SRGAP3: variants seen among roughly 807,000 people sequenced by gnomAD.
The protein encoded by SRGAP3 is SLIT-ROBO Rho GTPase-activating protein 3.
Under a neutral mutation model 121.1 loss-of-function variants are expected in SRGAP3, and 39 were observed. The ratio of observed to expected loss-of-function variants is 0.32; its 90% confidence interval spans 0.25 to 0.42. The LOEUF (loss-of-function observed/expected upper bound fraction) is 0.42. Among genes scored for constraint, SRGAP3 ranks in the 10% least tolerant of loss-of-function variants. The probability of loss-of-function intolerance (pLI) is 1.00; values close to 1 mark genes in which losing one functional copy is unlikely to be tolerated. For synonymous variants in SRGAP3, 601 were observed against 570.0 expected, an observed-to-expected ratio of 1.05 and a Z score of -0.77; for missense variants, 1,213 against 1,470.6, an observed-to-expected ratio of 0.82 and a Z score of 2.86.
intron 10 of SRGAP3, among the ~76,000 whole-genome samples, chr3:9,042,381 C>T (rs1161593687): frequency 4.6e-5 from 7 of 151,536 alleles, no homozygotes; most frequent in Admixed American, 4.6e-4. Flanking sequence ...TCTGGAATCC[C>T]ACCTAGCACT....
chr3:9,159,619 C>G (rs974781685), intron 1 of SRGAP3, among the ~76,000 whole-genome samples: 5 of 151,554 alleles, frequency 3.3e-5, no homozygotes, highest in African/African-American at 1.2e-4. Context: ...ACACAGTTTA[C>G]CCATATAACA....
intron 1 of SRGAP3, among the ~76,000 whole-genome samples, chr3:9,179,052 C>T (rs1466755442): frequency 6.6e-6 from 1 of 152,154 alleles, no homozygotes; most frequent in Non-Finnish European, 1.5e-5. Flanking sequence ...CCGATCCTGC[C>T]CATCGAACAA....
chr3:9,008,489 T>C (rs1173706472), intron 18 of SRGAP3: 1 of 149,216 alleles, frequency 6.7e-6, no homozygotes, highest in Non-Finnish European at 1.5e-5. Flanking sequence ...GATAAAGAGA[T>C]GGACAGAAGG....
At chr3:9,026,329 T>A (rs542571431) in intron 13 of SRGAP3, among the ~76,000 whole-genome samples, 1 of 152,240 alleles carries the variant, frequency 6.6e-6, no homozygotes, top group South Asian at 2.1e-4. Flanking sequence ...CCTTGCCCTT[T>A]TCATTGGAAG....
chr3:9,268,572 C>T (rs143010940), intron 3 of SRGAP3, among the ~76,000 whole-genome samples: 76 of 152,208 alleles, frequency 5.0e-4, no homozygotes, highest in Non-Finnish European at 8.4e-4. Flanking sequence ...TCATATGAGA[C>T]CTCAGCACCA....
intron 4 of SRGAP3, among the ~76,000 whole-genome samples, chr3:9,072,808 A>G (rs756826792): frequency 1.4e-4 from 22 of 152,238 alleles, no homozygotes; most frequent in Non-Finnish European, 2.8e-4. Flanking sequence ...GGACACTAGT[A>G]ACACAGCAAC....
At chr3:9,136,336 G>C (rs1227990172) in intron 1 of SRGAP3, among the ~76,000 whole-genome samples, 1 of 151,724 alleles carries the variant, frequency 6.6e-6, no homozygotes, top group Non-Finnish European at 1.5e-5. Flanking sequence ...GCTGGAGGCA[G>C]CAGATGCCGG....
intron 3 of SRGAP3, among the ~76,000 whole-genome samples, chr3:9,267,502 T>A (rs1463936971): frequency 6.6e-6 from 1 of 152,102 alleles, no homozygotes; most frequent in Non-Finnish European, 1.5e-5. Flanking sequence ...GTGGGTGCAG[T>A]TGAGGCTGTT....
intron 3 of SRGAP3, among the ~76,000 whole-genome samples, chr3:9,301,423 G>A (rs1322925280): frequency 2.0e-5 from 3 of 152,222 alleles, no homozygotes; most frequent in Non-Finnish European, 4.4e-5. Flanking sequence ...AAGGCTCCAT[G>A]GCTAACTTAG....
At chr3:9,078,877 A>C (rs1345887451) in intron 4 of SRGAP3, among the ~76,000 whole-genome samples, 3 of 152,192 alleles carry the variant, frequency 2.0e-5, no homozygotes, top group Non-Finnish European at 4.4e-5. Context: ...TTTATCTAAG[A>C]ACTCTCAGCC....
chr3:9,311,670 A>T (rs563768796), intron 3 of SRGAP3, among the ~76,000 whole-genome samples: 1 of 152,300 alleles, frequency 6.6e-6, no homozygotes, highest in African/African-American at 2.4e-5. Flanking sequence ...CAACTATTCA[A>T]ATATGTAAAA....
rs1427777974 is a variant in SRGAP3, at chr3:9,240,667, C to T, written c.67+8218G>A. ...CATGGAGAGACAGTCTAAAAGTAAT[C>T]TGAAAGCCACAGCCCCTCTCCAATC... On this transcript the variant is annotated intron_variant, in intron 1 of 21. Transcript: ENST00000383836. Among the ~76,000 whole-genome samples, 3 of 152,308 alleles carry T rather than the reference C, an allele frequency of 2.0e-5. No homozygotes were observed. The East Asian group carries it at 5.8e-4, about 29-fold the overall frequency.
At chr3:9,294,264 G>C (rs6786812) in intron 3 of SRGAP3, among the ~76,000 whole-genome samples, 54,994 of 151,986 alleles carry the variant, frequency 0.36, 11,914 homozygotes, top group Non-Finnish European at 0.48. Flanking sequence ...TAGCAAACTA[G>C]TGCAGAAACA....
At chr3:9,238,596 T>C (rs1175962916) in intron 1 of SRGAP3, among the ~76,000 whole-genome samples, 1 of 152,128 alleles carries the variant, frequency 6.6e-6, no homozygotes, top group Non-Finnish European at 1.5e-5. Flanking sequence ...GAAAAAAATC[T>C]GCACCCTGCC....
intron 3 of SRGAP3, among the ~76,000 whole-genome samples, chr3:9,094,216 A>C (rs945505271): frequency 6.6e-6 from 1 of 152,170 alleles, no homozygotes; most frequent in Admixed American, 6.5e-5. Flanking sequence ...TCTGTGTTCC[A>C]AGTTTTATAA....
chr3:9,238,019 A>G (rs1953477813), intron 1 of SRGAP3, among the ~76,000 whole-genome samples: 1 of 152,190 alleles, frequency 6.6e-6, no homozygotes, highest in Non-Finnish European at 1.5e-5. Context: ...TGATTGTCAC[A>G]ACTGGGAGCA....
chr3:9,144,005 A>G (rs1197687438), intron 1 of SRGAP3, among the ~76,000 whole-genome samples: 1 of 152,124 alleles, frequency 6.6e-6, no homozygotes, highest in African/African-American at 2.4e-5. Context: ...TCTGACTTGA[A>G]CAACCACAAC....
rs538108421 is a variant in SRGAP3, at chr3:9,190,386, C to T, written c.67+58499G>A. Among the ~76,000 whole-genome samples the T allele has an allele frequency of 2.0e-5, 3 of 152,272 alleles. No homozygotes were observed. In the South Asian group the frequency reaches 6.2e-4, roughly 32 times the overall value. On this transcript the variant is annotated intron_variant, in intron 1 of 21. Transcript: ENST00000383836. The stretch of plus-strand genomic sequence containing the variant: ...AGCAGGACTCAGGTAGGACGCTGAG[C>T]TCTTGGCATGAACAGATAGGTTTCG...
intron 9 of SRGAP3, among the ~76,000 whole-genome samples, chr3:9,050,871 G>A (rs1416423649): frequency 6.6e-6 from 1 of 152,236 alleles, no homozygotes; most frequent in Middle Eastern, 3.2e-3. Context: ...GGGTCAAAGA[G>A]TGTTGGAGAA....
Sources: allele counts gnomAD v4.1 joint callset (sites outside exome capture counted in the v4.1 genomes callset), GRCh38; gene constraint gnomAD v4.1.1; transcripts MANE v1.5; gene names NCBI Gene and HGNC (gene_info 2026-07-23, HGNC 2026-07-21).